Variants in TEX14 observed in about 807,000 individuals in gnomAD.
TEX14 encodes the protein inactive serine/threonine-protein kinase TEX14.
TEX14 carries 168 observed loss-of-function variants against 178.6 expected under a neutral mutation model. The observed-to-expected ratio is 0.94, with a 90% CI of 0.83 to 1.07. The LOEUF is 1.07. Ranked by LOEUF, TEX14 falls within the 50% of genes least tolerant of loss-of-function variation. The pLI, the probability that TEX14 is intolerant of heterozygous loss-of-function variation, is 0.00. For missense variants in TEX14, 1,730 were observed against 1,753.6 expected (o/e 0.99, Z 0.24); for synonymous variants, 626 against 634.1 (o/e 0.99, Z 0.19).
chr17:58,585,621 T>G (rs967292766), intron 18 of TEX14, among the ~76,000 whole-genome samples, 180 bp downstream of exon 18: 5 of 144,682 alleles, frequency 3.5e-5, no homozygotes, highest in Admixed American at 1.4e-4. Flanking sequence ...TTTTTTTTTT[T>G]TTTTTTTTTT....
At chr17:58,674,044 C>A (rs531176092) in intron 1 of TEX14, among the ~76,000 whole-genome samples, 5 of 152,154 alleles carry the variant, frequency 3.3e-5, no homozygotes, top group African/African-American at 1.2e-4. Flanking sequence ...GAGGCCAAGG[C>A]GGGCAGATTG....
chr17:58,616,204 G>A lies in TEX14; in HGVS notation c.738C>T (p.Phe246=), dbSNP rs759158967. The change falls in exon 7 of 32, where the codon TTC becomes TTT. Residue 246 remains phenylalanine (F), a synonymous_variant. Transcript: ENST00000349033. ...TCATGACCATGTAGGGGCCGCTGAA[G>A]AAAGAGAAGGTGGGCTCATCATCAG... The part of the protein sequence containing the change: ...IQADDEPTFS[F]FSGPYMVMTN... The A allele has an allele frequency of 3.7e-6, 6 of 1,613,918 alleles. No homozygotes were observed. The highest frequency in any genetic ancestry group is 4.2e-6 in the Non-Finnish European group (5 of 1,179,920).
intron 16 of TEX14, 74 bp downstream of exon 16, chr17:58,587,822 G>T (rs2144419419): frequency 7.5e-7 from 1 of 1,333,152 alleles, no homozygotes; most frequent in Non-Finnish European, 1.1e-6. Context: ...TGACCCCTTT[G>T]CACCAGCAGA....
intron 2 of TEX14, among the ~76,000 whole-genome samples, chr17:58,648,624 T>G (rs1053443592): frequency 6.6e-6 from 1 of 152,080 alleles, no homozygotes; most frequent in Non-Finnish European, 1.5e-5. Context: ...TGGGGTAGGC[T>G]GACATATTTC....
At chr17:58,557,970 T>TAGAC in intron 30 of TEX14, 120 bp from the exon 31 acceptor site, 1 of 675,712 alleles carries the variant, frequency 1.5e-6, no homozygotes, top group Non-Finnish European at 2.5e-6. Flanking sequence ...ACAATGGTTG[T>TAGAC]TATATTCTGC....
intron 2 of TEX14, among the ~76,000 whole-genome samples, chr17:58,630,775 T>C (rs754064584): frequency 1.8e-4 from 28 of 152,168 alleles, no homozygotes; most frequent in South Asian, 2.1e-4. Context: ...GAAAGTTGCA[T>C]TGAAGCATTT....
chr17:58,591,874 A>G (rs1040310519), intron 15 of TEX14, among the ~76,000 whole-genome samples: 1 of 152,070 alleles, frequency 6.6e-6, no homozygotes, highest in African/African-American at 2.4e-5. Context: ...CCTGGCCAAC[A>G]TGGTGAAACC....
Position 58,599,070 on chromosome 17 carries a change from C to T in TEX14, c.2275G>A (p.Glu759Lys), listed in dbSNP as rs866069912. 1 of 1,614,158 alleles carries T rather than the reference C, an allele frequency of 6.2e-7. No homozygotes were observed. The highest frequency in any genetic ancestry group is 8.5e-7 in the Non-Finnish European group (1 of 1,180,024). ...RNIEQILDEV[E>K]MKQKEQEERM... ...TCTTCCTGTTCCTTCTGTTTCATCTCGACTTCATCTAATATCTGCTCGATA... is the reference window on the plus strand; with the variant it reads ...TCTTCCTGTTCCTTCTGTTTCATCTTGACTTCATCTAATATCTGCTCGATA... Residue 759 changes from glutamate to lysine, a missense_variant, in exon 14 of 32, where the codon GAG (glutamate) becomes AAG (lysine). Physicochemically the swap from Glu to Lys is moderately conservative, Grantham distance 56. Coordinates refer to ENST00000349033, the MANE Select transcript of TEX14 (RefSeq NM_031272.5).
At chr17:58,578,218 A>G (rs1021353699) in intron 20 of TEX14, among the ~76,000 whole-genome samples, 12 of 152,188 alleles carry the variant, frequency 7.9e-5, no homozygotes, top group African/African-American at 2.9e-4. Context: ...AGGAGCTCTG[A>G]AACCCCACCA....
chr17:58,603,949 T>TGTGTGTG (rs2045543259), intron 11 of TEX14, among the ~76,000 whole-genome samples: 1 of 118,660 alleles, frequency 8.4e-6, no homozygotes, highest in African/African-American at 3.5e-5. Flanking sequence ...GTGTGTGTCT[T>TGTGTGTG]TCTTTTGAAG....
intron 29 of TEX14, 26 bp from the exon 30 acceptor site, chr17:58,559,588 CA>C: frequency 8.9e-7 from 1 of 1,121,834 alleles, no homozygotes; most frequent in Non-Finnish European, 1.4e-6. Flanking sequence ...TTTGGGGAAT[CA>C]AAACGTATAC....
Position 58,573,203 on chromosome 17 carries a change from A to G in TEX14, c.3489T>C (p.Ser1163=). 1 of 1,614,068 alleles carries G rather than the reference A, an allele frequency of 6.2e-7. No individual in the cohort carries two copies. Among genetic ancestry groups the G allele is most frequent in the Admixed American group, 1.7e-5 (1 of 60,014 alleles). Residue 1163 remains serine (S), a synonymous_variant, in exon 23 of 32, where the codon AGT becomes AGC. Transcript: ENST00000349033. The part of the protein sequence containing the change: ...KTPKINHAPT[S]VSTPLSPGSV... ...TACCTGGGCTGAGTGGAGTGCTGAC[A>G]CTGGTAGGTGCATGGTTTATTTTGG...
intron 9 of TEX14, 59 bp downstream of exon 9, chr17:58,613,362 G>A: frequency 6.2e-7 from 1 of 1,609,084 alleles, no homozygotes; most frequent in Admixed American, 1.7e-5. Context: ...GGGCAAGAGG[G>A]TGAGGAGGGA....
chr17:58,617,584 G>C lies in TEX14; in HGVS notation c.590C>G (p.Ala197Gly). ...GATATTTTGAGCAGAAATGACTCCA[G>C]CTTTAAGCAGTCGGTTAGGAGAGCC... Reference protein sequence around the residue: ...PNGSPNRLLKAGVISAQNIYS... With the variant: ...PNGSPNRLLKGGVISAQNIYS... The change falls in exon 6 of 32, where the codon GCT becomes GGT. Residue 197 changes from alanine to glycine, a missense_variant. Physicochemically the swap from Ala to Gly is moderately conservative, Grantham distance 60 (BLOSUM62 0). Around this residue, in one of 2 missense-constraint regions of TEX14, gnomAD observed 789 missense variants for 681.2 expected, o/e 1.16. Transcript: ENST00000349033. 6.2e-7 allele frequency: 1 copy of C among 1,613,670 alleles called. No homozygotes were observed. Among genetic ancestry groups the C allele is most frequent in the Non-Finnish European group, 8.5e-7 (1 of 1,179,760 alleles).
intron 1 of TEX14, among the ~76,000 whole-genome samples, chr17:58,666,044 C>T (rs1171993713): frequency 2.2e-5 from 3 of 138,640 alleles, no homozygotes; most frequent in Admixed American, 1.5e-4. Context: ...GAGACTCTGT[C>T]TCAAAAAAAA....
At chr17:58,557,910 C>A (rs1322086616) in intron 30 of TEX14, 60 bp from the exon 31 acceptor site, 8 of 1,359,380 alleles carry the variant, frequency 5.9e-6, no homozygotes, top group Non-Finnish European at 8.4e-6. Flanking sequence ...TCAAAGGGTG[C>A]CAGTATTCAT....
At chr17:58,674,338 C>T (rs189295080) in intron 1 of TEX14, among the ~76,000 whole-genome samples, 1 of 151,676 alleles carries the variant, frequency 6.6e-6, no homozygotes, top group Admixed American at 6.6e-5. Context: ...TCCTATTGAA[C>T]CCACATCCTT....
At chr17:58,660,506 A>T in intron 1 of TEX14, 2 of 707,436 alleles carry the variant, frequency 2.8e-6, no homozygotes, top group Non-Finnish European at 5.2e-6. Flanking sequence ...GAGCTCAGGG[A>T]GGGGAAGGCT....
At chr17:58,674,111 T>C (rs1305931057) in intron 1 of TEX14, among the ~76,000 whole-genome samples, 1 of 151,744 alleles carries the variant, frequency 6.6e-6, no homozygotes, top group Non-Finnish European at 1.5e-5. Flanking sequence ...CCATCTCTAC[T>C]AAAACTACAA....
Sources: allele counts gnomAD v4.1 joint callset (sites outside exome capture counted in the v4.1 genomes callset), GRCh38; gene constraint gnomAD v4.1.1; regional missense constraint gnomAD v4.1.1; transcripts MANE v1.5; gene names NCBI Gene and HGNC (gene_info 2026-07-23, HGNC 2026-07-21).